Variants in ADGRA3 observed in about 807,000 individuals in gnomAD.
ADGRA3 encodes the protein adhesion G protein-coupled receptor A3, also known as G-protein coupled receptor 125.
ADGRA3 carries 56 observed loss-of-function variants against 119.8 expected under a neutral mutation model. The ratio of observed to expected loss-of-function variants is 0.47; its 90% CI spans 0.38 to 0.58. ADGRA3 has a LOEUF of 0.58. ADGRA3 is among the 20% of genes least tolerant of loss of function. The pLI, the probability that ADGRA3 is intolerant of heterozygous loss-of-function variation, is 0.00. For missense variants in ADGRA3, 1,516 were observed against 1,649.0 expected, an observed-to-expected ratio of 0.92 and a Z score of 1.40; for synonymous variants, 607 against 623.8, an observed-to-expected ratio of 0.97 and a Z score of 0.40.
At chr4:22,476,839 G>T in intron 1 of ADGRA3, among the ~76,000 whole-genome samples, 1 of 151,796 alleles carries the variant, frequency 6.6e-6, no homozygotes, top group Non-Finnish European at 1.5e-5. Flanking sequence ...GCTAATTTTT[G>T]TATTTTTAGT....
Position 22,516,038 on chromosome 4 carries a change from C to T in ADGRA3, c.-254G>A, listed in dbSNP as rs1276671235. The T allele has an allele frequency of 6.3e-6, 1 of 158,326 alleles. No homozygotes were observed. The highest frequency in any genetic ancestry group is 2.4e-5 in the African/African-American group (1 of 41,114). The allele number at this position is 158,326 out of a possible 1,614,324, so 9.8% of individuals were successfully genotyped here. On this transcript the variant is annotated 5_prime_UTR_variant, in exon 1 of 19. Coordinates refer to ENST00000334304, the MANE Select transcript of ADGRA3 (RefSeq NM_145290.4). ...CCCGGCGCGAGCACCGCCTCCTCCT[C>T]CTCCTCTGCCGCCGCCGCCGCCGCC...
At chr4:22,429,027 T>C (rs1716053555) in intron 10 of ADGRA3, among the ~76,000 whole-genome samples, 1 of 151,910 alleles carries the variant, frequency 6.6e-6, no homozygotes, top group Admixed American at 6.5e-5. Context: ...AGTTCTCAGA[T>C]CATGTAATAA....
chr4:22,495,510 T>C (rs993409304), intron 1 of ADGRA3, among the ~76,000 whole-genome samples: 9 of 151,928 alleles, frequency 5.9e-5, no homozygotes, highest in South Asian at 2.1e-4. Context: ...ATTTTGGAAA[T>C]AGACAAAAAA....
chr4:22,449,297 A>G (rs1716945825), intron 4 of ADGRA3, among the ~76,000 whole-genome samples: 1 of 152,062 alleles, frequency 6.6e-6, no homozygotes, highest in African/African-American at 2.4e-5. Flanking sequence ...TTTTTAAGAA[A>G]GTAACTTAGA....
chr4:22,493,496 T>C (rs1176181427), intron 1 of ADGRA3, among the ~76,000 whole-genome samples: 1 of 152,148 alleles, frequency 6.6e-6, no homozygotes, highest in Non-Finnish European at 1.5e-5. Context: ...TGGGTCTTTG[T>C]GGTGCTGTTT....
chr4:22,418,644 A>T (rs1295056843), intron 12 of ADGRA3, among the ~76,000 whole-genome samples: 1 of 152,170 alleles, frequency 6.6e-6, no homozygotes, highest in African/African-American at 2.4e-5. Flanking sequence ...CAGTCTCTGG[A>T]GAGACATGAG....
intron 12 of ADGRA3, among the ~76,000 whole-genome samples, chr4:22,416,304 G>C (rs754926211): frequency 6.6e-6 from 1 of 152,096 alleles, no homozygotes; most frequent in Non-Finnish European, 1.5e-5. Flanking sequence ...ACACGAATGA[G>C]AGGTAATAAA....
At chr4:22,458,769 C>T (rs961648384) in intron 3 of ADGRA3, among the ~76,000 whole-genome samples, 5 of 152,164 alleles carry the variant, frequency 3.3e-5, no homozygotes. Context: ...ATCTCCACTA[C>T]CACCTACCCC....
chr4:22,434,521 G>A (rs983907705), intron 10 of ADGRA3, among the ~76,000 whole-genome samples: 2 of 151,986 alleles, frequency 1.3e-5, no homozygotes, highest in African/African-American at 4.8e-5. Flanking sequence ...CCTAAGCGTG[G>A]GCTTCAGTTT....
chr4:22,441,556 C>A (rs1373251947), intron 7 of ADGRA3, among the ~76,000 whole-genome samples: 1 of 152,130 alleles, frequency 6.6e-6, no homozygotes, highest in Non-Finnish European at 1.5e-5. Context: ...AGTTTATGGG[C>A]TCCGTGGGCC....
rs111486231 is a variant in ADGRA3, at chr4:22,416,924, A to C, written c.1810-3110T>G. Reference sequence around the variant, plus strand: ...TCTTAACATCTTTCCTTATCAAAAAATCTGGACTTCCTCCACTATGTAGTT... The same window carrying C: ...TCTTAACATCTTTCCTTATCAAAAACTCTGGACTTCCTCCACTATGTAGTT... On this transcript the variant is annotated intron_variant, in intron 12 of 18. Coordinates refer to ENST00000334304, the MANE Select transcript of ADGRA3 (RefSeq NM_145290.4). 8.9e-3 allele frequency among the ~76,000 whole-genome samples: 1,350 copies of C among 152,286 alleles called. 20 individuals are homozygous for C. Among genetic ancestry groups the C allele is most frequent in the East Asian group, 0.044 (226 of 5,180 alleles).
chr4:22,430,704 G>T (rs1283512188), intron 10 of ADGRA3, among the ~76,000 whole-genome samples: 1 of 152,094 alleles, frequency 6.6e-6, no homozygotes, highest in Non-Finnish European at 1.5e-5. Context: ...GCGGGCTGCA[G>T]AAATTTGCAT....
At position 22,435,450 on chromosome 4, in the gene ADGRA3, G is replaced by T; in HGVS notation, c.1304C>A (p.Thr435Asn). 12 of 1,601,770 alleles carry T rather than the reference G, an allele frequency of 7.5e-6. No homozygotes were observed. Among genetic ancestry groups the T allele is most frequent in the Non-Finnish European group, 9.4e-6 (11 of 1,170,686 alleles). The change falls in exon 10 of 19, where the codon ACC becomes AAC. Residue 435 changes from threonine to asparagine, a missense_variant. By Grantham distance (65) the Thr-to-Asn change is moderately conservative. Around this residue, in one of 2 missense-constraint regions of ADGRA3, gnomAD observed 1,088 missense variants for 1,107.1 expected, o/e 0.98. Coordinates refer to ENST00000334304, the MANE Select transcript of ADGRA3 (RefSeq NM_145290.4). ...YMFNQMPLNLTNAVATARQLL... is the reference protein window; with the variant it reads ...YMFNQMPLNLNNAVATARQLL... ...CTGTCGAGCTGTTGCCACGGCATTGGTAAGATTGAGGGGCATCTACATTTC... is the reference window on the plus strand; with the variant it reads ...CTGTCGAGCTGTTGCCACGGCATTGTTAAGATTGAGGGGCATCTACATTTC...
intron 1 of ADGRA3, among the ~76,000 whole-genome samples, chr4:22,476,742 C>G (rs1490361920): frequency 6.6e-6 from 1 of 151,834 alleles, no homozygotes; most frequent in Non-Finnish European, 1.5e-5. Flanking sequence ...TCTCAATTCA[C>G]TACAATCTAC....
Position 22,500,965 on chromosome 4 carries a change from T to G in ADGRA3, c.257+14563A>C, listed in dbSNP as rs543274808. 3.9e-5 allele frequency among the ~76,000 whole-genome samples: 6 copies of G among 152,304 alleles called. No homozygotes were observed. The South Asian group carries it at 1.2e-3, about 32-fold the overall frequency. ...TGCTAGAGCTGAGACACTCGTCTCC[T>G]GCCCCTAGACATCCGGCCTTAAGTT... On this transcript the variant is annotated intron_variant, in intron 1 of 18. Coordinates refer to ENST00000334304, the MANE Select transcript of ADGRA3 (RefSeq NM_145290.4).
intron 14 of ADGRA3, among the ~76,000 whole-genome samples, chr4:22,410,484 G>A (rs1419789470): frequency 1.3e-5 from 2 of 151,900 alleles, no homozygotes; most frequent in African/African-American, 2.4e-5. Flanking sequence ...TATTCTTTAT[G>A]TCGCATTTTT....
At chr4:22,391,820 C>T (rs1714145275) in intron 17 of ADGRA3, among the ~76,000 whole-genome samples, 1 of 152,196 alleles carries the variant, frequency 6.6e-6, no homozygotes, top group Non-Finnish European at 1.5e-5. Flanking sequence ...CACTTCTACA[C>T]TTTGTCATGA....
intron 1 of ADGRA3, among the ~76,000 whole-genome samples, chr4:22,504,745 T>G (rs1719179465): frequency 6.6e-6 from 1 of 151,956 alleles, no homozygotes; most frequent in Non-Finnish European, 1.5e-5. Flanking sequence ...CTACCTTCTT[T>G]TTTTGTGGCA....
intron 10 of ADGRA3, among the ~76,000 whole-genome samples, chr4:22,428,722 C>A (rs1469380576): frequency 6.6e-6 from 1 of 152,176 alleles, no homozygotes; most frequent in Admixed American, 6.5e-5. Context: ...GGAACTGCTG[C>A]ATTCTGAAAG....
Sources: allele counts gnomAD v4.1 joint callset (sites outside exome capture counted in the v4.1 genomes callset), GRCh38; gene constraint gnomAD v4.1.1; regional missense constraint gnomAD v4.1.1; transcripts MANE v1.5; gene names NCBI Gene and HGNC (gene_info 2026-07-23, HGNC 2026-07-21).